The following PPP2R5C variants were observed in gnomAD, a reference collection of about 807,000 sequenced individuals.
The protein encoded by PPP2R5C is serine/threonine-protein phosphatase 2A 56 kDa regulatory subunit gamma isoform.
A neutral mutation model predicts 68.9 loss-of-function variants in PPP2R5C; 7 were observed. That is an observed-to-expected ratio of 0.10 (90% CI 0.06 to 0.19). PPP2R5C has a LOEUF of 0.19. Ranked by LOEUF, PPP2R5C falls within the 10% of genes least tolerant of loss-of-function variation. The pLI is 1.00. For synonymous variants in PPP2R5C, 210 were observed against 222.2 expected (o/e 0.95, Z 0.49); for missense variants, 348 against 641.3 (o/e 0.54, Z 4.94).
chr14:101,783,834 G>T (rs564450991), intron 2 of PPP2R5C, among the ~76,000 whole-genome samples: 1 of 152,216 alleles, frequency 6.6e-6, no homozygotes, highest in Non-Finnish European at 1.5e-5. Context: ...ACTGGAACAC[G>T]CACGTATGTG....
chr14:101,767,122 A>C (rs546061362), intron 2 of PPP2R5C: 1 of 152,222 alleles, frequency 6.6e-6, no homozygotes, highest in Non-Finnish European at 1.5e-5. Flanking sequence ...CTGAAGAGAA[A>C]GAACAATCCT....
At chr14:101,789,065 G>A (rs2038245888) in intron 3 of PPP2R5C, among the ~76,000 whole-genome samples, 1 of 151,812 alleles carries the variant, frequency 6.6e-6, no homozygotes, top group African/African-American at 2.4e-5. Flanking sequence ...ATTTTCTTTT[G>A]CCGTCACCTT....
intron 1 of PPP2R5C, among the ~76,000 whole-genome samples, chr14:101,826,936 A>G (rs1195857001): frequency 6.8e-6 from 1 of 146,548 alleles, no homozygotes; most frequent in African/African-American, 2.5e-5. Context: ...ATTCTGTTTC[A>G]TGATTATTAT....
At chr14:101,847,704 C>T (rs2041919525) in intron 1 of PPP2R5C, among the ~76,000 whole-genome samples, 1 of 141,060 alleles carries the variant, frequency 7.1e-6, no homozygotes, top group Admixed American at 7.4e-5. Flanking sequence ...GTCTCTATCG[C>T]GAGGCTGGAG....
Position 101,767,727 on chromosome 14 carries a change from G to A in PPP2R5C, c.93+4757G>A, listed in dbSNP as rs183114849. On this transcript the variant is annotated intron_variant, in intron 2 of 14. Transcript: ENST00000328724. Reference sequence around the variant, plus strand: ...CACGTCTTGGCTCCCTCTTCCCAGCGCCTCCCCATGGTCTTTCCTTAGAGC... The same window carrying A: ...CACGTCTTGGCTCCCTCTTCCCAGCACCTCCCCATGGTCTTTCCTTAGAGC... Among the ~76,000 whole-genome samples, 10 of 152,126 alleles carry A rather than the reference G, an allele frequency of 6.6e-5. No homozygotes were observed. In the East Asian group the frequency reaches 9.6e-4, roughly 15 times the overall value.
At chr14:101,834,969 G>A (rs1306491569) in intron 1 of PPP2R5C, among the ~76,000 whole-genome samples, 1 of 152,212 alleles carries the variant, frequency 6.6e-6, no homozygotes, top group Admixed American at 6.5e-5. Flanking sequence ...CTACTTGGCA[G>A]GGTCAAGCCT....
exon 11 of PPP2R5C, chr14:101,909,613 C>T (rs975315310): frequency 1.6e-5 from 26 of 1,610,486 alleles, no homozygotes; most frequent in Middle Eastern, 1.7e-4. Context: ...TGATATACAA[C>T]GCCCTGAAGC....
intron 2 of PPP2R5C, among the ~76,000 whole-genome samples, chr14:101,876,940 C>CTTTTTT (rs11318528): frequency 1.1e-5 from 1 of 90,880 alleles, no homozygotes; most frequent in Non-Finnish European, 2.2e-5. Context: ...AGGATTTACG[C>CTTTTTT]TTTTTTTTTT....
intron 2 of PPP2R5C, among the ~76,000 whole-genome samples, chr14:101,869,715 C>T (rs1302082282): frequency 2.6e-5 from 4 of 152,124 alleles, no homozygotes. Context: ...AGTGCAGTGG[C>T]TCAATCATGG....
chr14:101,860,198 C>T (rs1309289351), intron 2 of PPP2R5C, among the ~76,000 whole-genome samples: 1 of 152,148 alleles, frequency 6.6e-6, no homozygotes, highest in African/African-American at 2.4e-5. Context: ...CCATTGTTCC[C>T]TCCTCCCTCA....
chr14:101,799,374 G>C (rs577533350), intron 3 of PPP2R5C, among the ~76,000 whole-genome samples: 1 of 152,308 alleles, frequency 6.6e-6, no homozygotes, highest in South Asian at 2.1e-4. Flanking sequence ...TCAGCATGGG[G>C]AGCGCACTCC....
intron 2 of PPP2R5C, among the ~76,000 whole-genome samples, chr14:101,876,065 G>A (rs1049102989): frequency 6.6e-6 from 1 of 152,178 alleles, no homozygotes; most frequent in African/African-American, 2.4e-5. Context: ...GCATGTGGTA[G>A]TCTAGTTGTG....
At chr14:101,844,144 T>C (rs1358700528) in intron 1 of PPP2R5C, 1 of 143,678 alleles carries the variant, frequency 7.0e-6, no homozygotes, top group Admixed American at 6.9e-5. Context: ...TTTTTTTTGT[T>C]TTTTTTTTTT....
chr14:101,894,904 A>C (rs903265658), intron 8 of PPP2R5C, among the ~76,000 whole-genome samples: 1 of 152,212 alleles, frequency 6.6e-6, no homozygotes, highest in South Asian at 2.1e-4. Flanking sequence ...CAACATATTG[A>C]ACTGATTATG....
intron 1 of PPP2R5C, among the ~76,000 whole-genome samples, chr14:101,812,415 G>A (rs925048307): frequency 1.1e-4 from 17 of 152,218 alleles, no homozygotes; most frequent in Non-Finnish European, 2.2e-4. Flanking sequence ...GGGTGGGCAT[G>A]CGCTGTCCTT....
intron 11 of PPP2R5C, among the ~76,000 whole-genome samples, chr14:101,910,180 T>G (rs894506196): frequency 6.6e-6 from 1 of 152,218 alleles, no homozygotes; most frequent in African/African-American, 2.4e-5. Flanking sequence ...CTCGTGCCTT[T>G]GAGCCCACAT....
At chr14:101,898,908 C>G (rs548520565) in intron 8 of PPP2R5C, among the ~76,000 whole-genome samples, 2 of 152,168 alleles carry the variant, frequency 1.3e-5, no homozygotes, top group Non-Finnish European at 2.9e-5. Flanking sequence ...AAAGTATAGG[C>G]TTTGGTGCAG....
chr14:101,874,509 C>T (rs976019254), intron 2 of PPP2R5C, among the ~76,000 whole-genome samples: 10 of 152,096 alleles, frequency 6.6e-5, no homozygotes, highest in Non-Finnish European at 1.2e-4. Flanking sequence ...CCAGTGTTAT[C>T]TTTAAATGAC....
intron 1 of PPP2R5C, among the ~76,000 whole-genome samples, chr14:101,851,024 C>T (rs1488920946): frequency 6.6e-6 from 1 of 152,238 alleles, no homozygotes; most frequent in East Asian, 1.9e-4. Context: ...TAAATGTTGG[C>T]TCCTGCCTTT....
Sources: allele counts gnomAD v4.1 joint callset (sites outside exome capture counted in the v4.1 genomes callset), GRCh38; gene constraint gnomAD v4.1.1; transcripts MANE v1.5; gene names NCBI Gene and HGNC (gene_info 2026-07-23, HGNC 2026-07-21).